GRB2: variants seen among roughly 807,000 people sequenced by gnomAD.
The protein encoded by GRB2 is growth factor receptor bound protein 2.
Under a neutral mutation model 27.4 loss-of-function variants are expected in GRB2, and 2 were observed. The ratio of observed to expected loss-of-function variants is 0.07; its 90% CI spans 0.03 to 0.23. The LOEUF (loss-of-function observed/expected upper bound fraction) is 0.23, where lower values mean the gene tolerates loss of function less well. Among genes scored for constraint, GRB2 ranks in the 10% least tolerant of loss-of-function variants. The probability of loss-of-function intolerance (pLI) is 1.00; values close to 1 mark genes in which losing one functional copy is unlikely to be tolerated. For missense variants in GRB2, 102 were observed against 282.4 expected, an observed-to-expected ratio of 0.36 and a Z score of 4.58; for synonymous variants, 94 against 99.6, an observed-to-expected ratio of 0.94 and a Z score of 0.33.
chr17:75,402,666 A>G (rs2079070953), intron 1 of GRB2, among the ~76,000 whole-genome samples: 1 of 152,224 alleles, frequency 6.6e-6, no homozygotes, highest in Non-Finnish European at 1.5e-5. Flanking sequence ...AAGATCTCCC[A>G]GTGATTTTTA....
intron 2 of GRB2, among the ~76,000 whole-genome samples, chr17:75,386,829 A>G (rs2078966800): frequency 6.6e-6 from 1 of 152,180 alleles, no homozygotes; most frequent in Non-Finnish European, 1.5e-5. Context: ...TGTGAATCTG[A>G]GCAAGTTTCT....
At chr17:75,327,963 T>C (rs1293312610) in intron 3 of GRB2, among the ~76,000 whole-genome samples, 1 of 152,050 alleles carries the variant, frequency 6.6e-6, no homozygotes, top group Non-Finnish European at 1.5e-5. Context: ...GGCTAGGGCC[T>C]GCAGTGCCTG....
intron 1 of GRB2, among the ~76,000 whole-genome samples, chr17:75,399,952 G>A (rs2079053909): frequency 1.3e-5 from 2 of 151,826 alleles, no homozygotes; most frequent in African/African-American, 4.8e-5. Context: ...TTACAGGCAT[G>A]AGCCACCGTG....
chr17:75,404,073 T>A (rs116837316), intron 1 of GRB2, among the ~76,000 whole-genome samples: 2 of 149,450 alleles, frequency 1.3e-5, no homozygotes, highest in Admixed American at 6.7e-5. Context: ...TATAGCACCA[T>A]TGCACTCCAG....
At chr17:75,404,144 T>A (rs1182216061) in intron 1 of GRB2, among the ~76,000 whole-genome samples, 1 of 151,654 alleles carries the variant, frequency 6.6e-6, no homozygotes, top group Non-Finnish European at 1.5e-5. Flanking sequence ...GACCCAATCT[T>A]CCTATTATAA....
rs2145873003 is a variant in GRB2, at chr17:75,393,747, TG to T, written c.-120del. 1.3e-6 allele frequency: 1 copy of T among 745,646 alleles called. No homozygotes were observed. The highest frequency in any genetic ancestry group is 2.5e-5 in the East Asian group (1 of 40,426). 46.2% of individuals were successfully genotyped at this position (745,646 alleles called of 1,614,324 possible). On this transcript the variant is annotated 5_prime_UTR_variant, in exon 2 of 6. Coordinates refer to ENST00000316804, the MANE Select transcript of GRB2 (RefSeq NM_002086.5). ...TCTTCTGGGACTCGCTCCGGCACTC[TG>T]GGACACACAATGCCACCCTGAAGCA... is the stretch of plus-strand genomic sequence containing the variant.
Position 75,403,033 on chromosome 17 carries a change from C to G in GRB2, c.-138+2456G>C, listed in dbSNP as rs555488871. On this transcript the variant is annotated intron_variant, in intron 1 of 5. Transcript: ENST00000316804. ...GAAGTTGTGGTGACCTGAGATCGTG[C>G]CACTGCACTCTAGCCTGGGCAACAA... Among the ~76,000 whole-genome samples the G allele has an allele frequency of 3.9e-3, 468 of 120,006 alleles. 2 individuals carry two copies. Among genetic ancestry groups the G allele is most frequent in the Middle Eastern group, 0.02 (3 of 148 alleles). 78.7% of individuals were successfully genotyped at this position (120,006 alleles called of 152,430 possible).
intron 2 of GRB2, among the ~76,000 whole-genome samples, chr17:75,385,882 A>G (rs1199761562): frequency 6.6e-6 from 1 of 152,182 alleles, no homozygotes; most frequent in African/African-American, 2.4e-5. Context: ...TTGCCACTTA[A>G]TAGGTGCCAT....
chr17:75,386,277 C>T (rs745666189), intron 2 of GRB2, among the ~76,000 whole-genome samples: 1 of 152,094 alleles, frequency 6.6e-6, no homozygotes, highest in Non-Finnish European at 1.5e-5. Flanking sequence ...CACCACCACG[C>T]CCAGCTAATT....
intron 2 of GRB2, among the ~76,000 whole-genome samples, chr17:75,389,137 G>A (rs2078982984): frequency 1.3e-5 from 2 of 152,108 alleles, no homozygotes; most frequent in Admixed American, 1.3e-4. Flanking sequence ...GGCTTCTTAA[G>A]GACCAGATCA....
chr17:75,368,950 G>A (rs964012221), intron 2 of GRB2, among the ~76,000 whole-genome samples: 1 of 152,154 alleles, frequency 6.6e-6, no homozygotes, highest in African/African-American at 2.4e-5. Flanking sequence ...ATTTCAGTTA[G>A]TTTAATCCTC....
chr17:75,352,938 C>A (rs2078702208), intron 2 of GRB2, among the ~76,000 whole-genome samples: 1 of 150,940 alleles, frequency 6.6e-6, no homozygotes, highest in Non-Finnish European at 1.5e-5. Flanking sequence ...GTAATCCCAG[C>A]ACTTTGGGAG....
chr17:75,354,264 T>TTGGGGGGGGGG (rs1555610715), intron 2 of GRB2, among the ~76,000 whole-genome samples: 9 of 38,272 alleles, frequency 2.4e-4, no homozygotes, highest in Admixed American at 6.3e-4. Context: ...TCTTTTTTTT[T>TTGGGGGGGGGG]GGGGGGGGGG....
intron 2 of GRB2, among the ~76,000 whole-genome samples, chr17:75,334,673 C>A (rs1284387698): frequency 6.6e-6 from 1 of 152,078 alleles, no homozygotes; most frequent in Non-Finnish European, 1.5e-5. Flanking sequence ...GGTGTGCTGG[C>A]TCAAACCTGT....
At chr17:75,378,713 C>T (rs894499350) in intron 2 of GRB2, among the ~76,000 whole-genome samples, 9 of 152,108 alleles carry the variant, frequency 5.9e-5, no homozygotes, top group South Asian at 2.1e-4. Context: ...TCCAAGTTTA[C>T]GAACAACTAC....
intron 3 of GRB2, among the ~76,000 whole-genome samples, chr17:75,330,530 C>T (rs1441367385): frequency 1.3e-5 from 2 of 151,994 alleles, no homozygotes; most frequent in Admixed American, 6.6e-5. Flanking sequence ...AACAATTCGA[C>T]GGGAGTGGAG....
At chr17:75,383,415 A>C (rs1006886441) in intron 2 of GRB2, among the ~76,000 whole-genome samples, 1 of 152,228 alleles carries the variant, frequency 6.6e-6, no homozygotes, top group African/African-American at 2.4e-5. Flanking sequence ...TTTTATGCGT[A>C]GAGTCATGTG....
intron 3 of GRB2, among the ~76,000 whole-genome samples, chr17:75,328,001 A>AT (rs56849778): frequency 0.17 from 25,657 of 152,192 alleles, 2,564 homozygotes; most frequent in African/African-American, 0.28. Context: ...GAGAAATCAC[A>AT]TATCACTAGA....
At position 75,381,532 on chromosome 17, in the gene GRB2, C is replaced by A. The variant is rs2078927513; in HGVS notation, c.78+12019G>T. Among the ~76,000 whole-genome samples, 4 of 151,470 alleles carry A rather than the reference C, an allele frequency of 2.6e-5. No homozygotes were observed. In the South Asian group the frequency reaches 8.4e-4, roughly 32 times the overall value. On this transcript the variant is annotated intron_variant, in intron 2 of 5. Coordinates refer to ENST00000316804, the MANE Select transcript of GRB2 (RefSeq NM_002086.5). ...AGGAGTTCGAGACCAGCCTGGCCAA[C>A]ATAGTGAAACCCTCGTCTCTACTAA...
Sources: gnomAD v4.1 joint callset for allele counts (sites outside exome capture counted in the v4.1 genomes callset) on GRCh38, gnomAD v4.1.1 for gene constraint, MANE v1.5 for transcripts, NCBI Gene and HGNC (gene_info 2026-07-23, HGNC 2026-07-21) for gene names.